IKZF4: variants seen among roughly 807,000 people sequenced by gnomAD.
IKZF4 encodes the protein IKAROS family zinc finger 4.
Under a neutral mutation model 47.7 loss-of-function variants are expected in IKZF4, and 11 were observed. That is an observed-to-expected ratio of 0.23 (90% CI 0.15 to 0.38). IKZF4 has a LOEUF of 0.38. IKZF4 is among the 10% of genes least tolerant of loss of function. The probability of loss-of-function intolerance (pLI) is 1.00; values close to 1 mark genes in which losing one functional copy is unlikely to be tolerated. For synonymous variants in IKZF4, 298 were observed against 299.4 expected (o/e 1.00, Z 0.05); for missense variants, 557 against 784.9 (o/e 0.71, Z 3.47).
upstream of IKZF4, among the ~76,000 whole-genome samples, chr12:56,016,713 C>T (rs927607292): frequency 8.5e-5 from 13 of 152,186 alleles, no homozygotes; most frequent in African/African-American, 3.1e-4. Context: ...TCTCCTGCCT[C>T]AGCCTCCCTA....
In IKZF4 at chr12:56,021,508, C is replaced by CGCACTCCCTCGCCGTTTCCAAG; in HGVS notation, c.18_39dup (p.Gly14ThrfsTer23). ...GAGACGCAGACATGCATACACCACCCGCACTCCCTCGCCGTTTCCAAGGCG... is the reference window on the plus strand; with the variant it reads ...GAGACGCAGACATGCATACACCACCCGCACTCCCTCGCCGTTTCCAAGGCACTCCCTCGCCGTTTCCAAGGCG... On this transcript the variant is annotated frameshift_variant, in exon 1 of 8. Coordinates refer to ENST00000547167, the MANE Select transcript of IKZF4 (RefSeq NM_022465.4). LOFTEE classifies it high-confidence loss of function. The CGCACTCCCTCGCCGTTTCCAAG allele has an allele frequency of 2.5e-6, 4 of 1,604,906 alleles. No homozygotes were observed. Among genetic ancestry groups the CGCACTCCCTCGCCGTTTCCAAG allele is most frequent in the Non-Finnish European group, 3.4e-6 (4 of 1,176,456 alleles).
At chr12:56,027,408 T>TA (rs1457273102) in intron 4 of IKZF4, among the ~76,000 whole-genome samples, 6 of 150,112 alleles carry the variant, frequency 4.0e-5, no homozygotes, top group Non-Finnish European at 8.9e-5. Context: ...ATCTAATAAT[T>TA]AAAAAACAAC....
upstream of IKZF4, among the ~76,000 whole-genome samples, chr12:56,018,880 C>T (rs933019248): frequency 6.7e-6 from 1 of 149,886 alleles, no homozygotes; most frequent in Non-Finnish European, 1.5e-5. Flanking sequence ...GTCAGGAGTT[C>T]GAGACCAGCC....
Position 56,032,710 on chromosome 12 carries a change from G to C in IKZF4, c.865G>C (p.Gly289Arg). ...AGCCCAAGCTTTGGCTGGCCAACCA[G>C]GTAGGGCTATTGATGTACTACTGGG... ...TEAQALAGQPGDEIRDLEMVP... is the reference protein window; with the variant it reads ...TEAQALAGQPRDEIRDLEMVP... Residue 289 changes from glycine to arginine, a missense_variant and splice_region_variant, in exon 6 of 8, where the codon GGT becomes CGT. Coordinates refer to ENST00000547167, the MANE Select transcript of IKZF4 (RefSeq NM_022465.4). 1 of 1,614,008 alleles carries C rather than the reference G, an allele frequency of 6.2e-7. No individual in the cohort carries two copies. Among genetic ancestry groups the C allele is most frequent in the South Asian group, 1.1e-5 (1 of 91,084 alleles).
At chr12:56,030,819 A>G (rs1894810863) in intron 5 of IKZF4, among the ~76,000 whole-genome samples, 1 of 152,156 alleles carries the variant, frequency 6.6e-6, no homozygotes, top group Non-Finnish European at 1.5e-5. Flanking sequence ...GAGGCTGGTT[A>G]ATGGGTACAA....
At chr12:56,027,221 T>A (rs1281738627) in intron 4 of IKZF4, among the ~76,000 whole-genome samples, 180 bp downstream of exon 4, 1 of 145,828 alleles carries the variant, frequency 6.9e-6, no homozygotes, top group African/African-American at 2.5e-5. Context: ...AGGGTGGGGG[T>A]GGGTACAGAA....
At chr12:56,017,223 T>TCCCCCCCTC (rs1892204138), upstream of IKZF4, among the ~76,000 whole-genome samples, 1 of 122,438 alleles carries the variant, frequency 8.2e-6, no homozygotes, top group African/African-American at 3.3e-5. Context: ...AAATTCAGAC[T>TCCCCCCCTC]CCCCCCCCGC....
intron 1 of IKZF4, chr12:56,010,578 C>G (rs751575930): frequency 2.6e-5 from 4 of 152,056 alleles, no homozygotes; most frequent in Non-Finnish European, 5.9e-5. Flanking sequence ...AAGACGCAGA[C>G]CCAAAAACCA....
intron 2 of IKZF4, chr12:56,024,586 T>A: frequency 1.0e-6 from 1 of 962,412 alleles, no homozygotes; most frequent in Non-Finnish European, 1.2e-6. Context: ...AGTACTCAAT[T>A]AATATTATTA....
chr12:56,021,550 C>T lies in IKZF4; in HGVS notation c.57C>T (p.Thr19=). Reference sequence around the variant, plus strand: ...TCCAAGGCGGCGGCCGCGTTCGCACCCCAGGGTCTCACCGGCAAGGGAAGG... The same window carrying T: ...TCCAAGGCGGCGGCCGCGTTCGCACTCCAGGGTCTCACCGGCAAGGGAAGG... ...RRFQGGGRVR[T]PGSHRQGKDN... is the part of the protein sequence containing the mutation. The change falls in exon 1 of 8, where the codon ACC becomes ACT. Residue 19 remains threonine, a synonymous_variant. Transcript: ENST00000547167. 1.2e-6 allele frequency: 2 copies of T among 1,608,556 alleles called. No homozygotes were observed. The highest frequency in any genetic ancestry group is 8.5e-7 in the Non-Finnish European group (1 of 1,177,990).
intron 1 of IKZF4, chr12:56,011,105 T>G (rs1891274356): frequency 6.6e-6 from 1 of 152,218 alleles, no homozygotes; most frequent in Non-Finnish European, 1.5e-5. Context: ...AACCCTGTTT[T>G]GGGCATCTTT....
chr12:56,020,538 A>G (rs556919567), upstream of IKZF4, among the ~76,000 whole-genome samples: 1 of 152,124 alleles, frequency 6.6e-6, no homozygotes, highest in South Asian at 2.1e-4. Flanking sequence ...CCACCCCCAA[A>G]TTCTTGGAAT....
upstream of IKZF4, among the ~76,000 whole-genome samples, chr12:56,017,235 C>G (rs1189406335): frequency 2.9e-5 from 4 of 138,000 alleles, no homozygotes; most frequent in Non-Finnish European, 6.2e-5. Flanking sequence ...CCCCCCCGCC[C>G]CCCCCGTCCT....
chr12:56,027,514 T>C (rs908905386), intron 4 of IKZF4, among the ~76,000 whole-genome samples: 1 of 152,166 alleles, frequency 6.6e-6, no homozygotes, highest in African/African-American at 2.4e-5. Flanking sequence ...CCTGTGGGGC[T>C]CAGTTTTTGG....
upstream of IKZF4, chr12:56,019,257 C>A: frequency 4.6e-6 from 2 of 439,204 alleles, no homozygotes; most frequent in Non-Finnish European, 6.0e-6. Flanking sequence ...TGATGAGTAT[C>A]CCTATCAGAA....
intron 5 of IKZF4, 81 bp from the exon 6 acceptor site, chr12:56,032,480 A>G: frequency 1.4e-6 from 2 of 1,388,522 alleles, no homozygotes; most frequent in Non-Finnish European, 1.9e-6. Flanking sequence ...ATGCCAGTGT[A>G]TACTTGCTCT....
chr12:56,011,797 A>G (rs781191659), intron 2 of IKZF4: 1 of 152,218 alleles, frequency 6.6e-6, no homozygotes, highest in Non-Finnish European at 1.5e-5. Context: ...CAGAGCTGCA[A>G]ATTGCTTGAT....
At chr12:56,013,123 C>T (rs904289563) in intron 2 of IKZF4, among the ~76,000 whole-genome samples, 91 of 152,252 alleles carry the variant, frequency 6.0e-4, no homozygotes, top group African/African-American at 2.1e-3. Context: ...TTTCTAGTTG[C>T]TTTGTATTCA....
chr12:56,017,911 C>A (rs1230255291), upstream of IKZF4, among the ~76,000 whole-genome samples: 2 of 152,172 alleles, frequency 1.3e-5, no homozygotes, highest in African/African-American at 4.8e-5. Context: ...TGGTCTCAAA[C>A]TCCTGGGCTC....
Sources: gnomAD v4.1 joint callset for allele counts (sites outside exome capture counted in the v4.1 genomes callset) on GRCh38, gnomAD v4.1.1 for gene constraint, MANE v1.5 for transcripts, NCBI Gene and HGNC (gene_info 2026-07-23, HGNC 2026-07-21) for gene names.